ALK: variants seen among roughly 807,000 people sequenced by gnomAD.
ALK encodes ALK receptor tyrosine kinase.
In ALK, 74 loss-of-function variants were observed where a neutral mutation model predicts 163.1. The ratio of observed to expected loss-of-function variants is 0.45; its 90% CI spans 0.38 to 0.55. The LOEUF (loss-of-function observed/expected upper bound fraction) is 0.55, where lower values mean the gene tolerates loss of function less well. Ranked by LOEUF, ALK falls within the 20% of genes least tolerant of loss-of-function variation. The pLI, the probability that ALK is intolerant of heterozygous loss-of-function variation, is 0.00. For synonymous variants in ALK, 960 were observed against 843.2 expected (o/e 1.14, Z -2.40); for missense variants, 2,063 against 2,105.3 (o/e 0.98, Z 0.39).
intron 4 of ALK, among the ~76,000 whole-genome samples, chr2:29,526,249 G>A (rs1026330599): frequency 2.6e-5 from 4 of 152,166 alleles, no homozygotes; most frequent in Non-Finnish European, 5.9e-5. Flanking sequence ...ACTACCATTT[G>A]ACAAAGATGA....
chr2:29,288,966 ATAAATAAATAAAT>A lies in ALK; in HGVS notation c.1817+7909_1817+7921del, dbSNP rs1558654933. 9.3e-4 allele frequency among the ~76,000 whole-genome samples: 112 copies of A among 120,314 alleles called. 14 individuals carry two copies. The highest frequency in any genetic ancestry group is 3.4e-3 in the African/African-American group (105 of 31,102). The allele number at this position is 120,314 out of a possible 152,430, so 78.9% of individuals were successfully genotyped here. ...GACTCCTTCTCAAAAAAATAAATAA[ATAAATAAATAAAT>A]AAATAAATAAATAAATAAATAAAAG... On this transcript the variant is annotated intron_variant, in intron 9 of 28. Transcript: ENST00000389048.
At chr2:29,783,149 G>A (rs1663887251) in intron 1 of ALK, among the ~76,000 whole-genome samples, 1 of 152,124 alleles carries the variant, frequency 6.6e-6, no homozygotes, top group South Asian at 2.1e-4. Flanking sequence ...TTTTGTCTCT[G>A]GGATGTGTTT....
At chr2:29,910,118 A>T (rs1219426751) in intron 1 of ALK, among the ~76,000 whole-genome samples, 1 of 152,166 alleles carries the variant, frequency 6.6e-6, no homozygotes, top group Non-Finnish European at 1.5e-5. Context: ...ACTTTAAAAT[A>T]GCTGTTATAC....
rs1456639735 is a variant in ALK at position 29,247,041 on chromosome 2, AGGG to A, written c.2204+4061_2204+4063del. 2.0e-5 allele frequency among the ~76,000 whole-genome samples: 3 copies of A among 152,292 alleles called. No homozygotes were observed. The East Asian group carries it at 5.8e-4, about 29-fold the overall frequency. ...ACCCGCTTTTTTGTAGACAATGCTT[AGGG>A]CCTTCGAACTTAACCCAGGTGCCCC... On this transcript the variant is annotated intron_variant, in intron 12 of 28. Coordinates refer to ENST00000389048, the MANE Select transcript of ALK (RefSeq NM_004304.5).
chr2:29,371,671 C>T (rs946152658), intron 5 of ALK, among the ~76,000 whole-genome samples: 4 of 152,172 alleles, frequency 2.6e-5, no homozygotes, highest in African/African-American at 4.8e-5. Flanking sequence ...TGACTTGGTA[C>T]GTCAGTTTAG....
chr2:29,585,289 G>T (rs1475390242), intron 3 of ALK, among the ~76,000 whole-genome samples: 5 of 152,162 alleles, frequency 3.3e-5, no homozygotes, highest in African/African-American at 1.2e-4. Flanking sequence ...ACCAGAGAAA[G>T]TTATGCAGTT....
At chr2:29,219,579 C>T (rs1039116752) in intron 23 of ALK, among the ~76,000 whole-genome samples, 1 of 152,196 alleles carries the variant, frequency 6.6e-6, no homozygotes, top group Admixed American at 6.5e-5. Context: ...AGCCTGGATC[C>T]TAACCTTGGG....
At chr2:29,510,342 A>G (rs1033339874) in intron 4 of ALK, among the ~76,000 whole-genome samples, 2 of 152,206 alleles carry the variant, frequency 1.3e-5, no homozygotes. Context: ...TAGTTGAAGG[A>G]ATTAATCAAT....
At chr2:29,439,089 G>A (rs1443305925) in intron 4 of ALK, among the ~76,000 whole-genome samples, 1 of 152,164 alleles carries the variant, frequency 6.6e-6, no homozygotes, top group East Asian at 1.9e-4. Context: ...GAGGACATCT[G>A]CAAGTCCTGA....
At chr2:29,619,321 T>C (rs1429581967) in intron 3 of ALK, among the ~76,000 whole-genome samples, 1 of 152,252 alleles carries the variant, frequency 6.6e-6, no homozygotes, top group Non-Finnish European at 1.5e-5. Flanking sequence ...CTAGGCCTCC[T>C]TGGGTATCAT....
intron 1 of ALK, among the ~76,000 whole-genome samples, chr2:29,811,573 C>T (rs1664761125): frequency 6.6e-6 from 1 of 152,180 alleles, no homozygotes; most frequent in African/African-American, 2.4e-5. Flanking sequence ...GGAACTAACT[C>T]ATTGCTTCAC....
In ALK at chr2:29,223,444, G is replaced by A. The variant is rs138589984; in HGVS notation, c.3257C>T (p.Ser1086Leu). The A allele has an allele frequency of 3.2e-5, 52 of 1,614,182 alleles. No homozygotes were observed. The African/African-American group carries it at 4.7e-4, about 14-fold the overall frequency. ...PEYKLSKLRT[S>L]TIMTDYNPNY... ...GGGGTTGTAGTCGGTCATGATGGTC[G>A]AGGTGCGGAGCTTGCTCAGCTTGTA... Residue 1086 changes from serine (S) to leucine (L), a missense_variant, in exon 20 of 29, where the codon TCG becomes TTG. Around this residue, in one of 5 missense-constraint regions of ALK, gnomAD observed 575 missense variants for 626.6 expected, o/e 0.92. Transcript: ENST00000389048.
intron 1 of ALK, among the ~76,000 whole-genome samples, chr2:29,845,769 C>G (rs1335714469): frequency 6.6e-6 from 1 of 152,128 alleles, no homozygotes; most frequent in Non-Finnish European, 1.5e-5. Context: ...ATCTAGTTTA[C>G]CATTTCCCCA....
chr2:29,913,092 C>T (rs978011807), intron 1 of ALK, among the ~76,000 whole-genome samples: 2 of 152,018 alleles, frequency 1.3e-5, no homozygotes, highest in African/African-American at 2.4e-5. Context: ...TGACTGCCTA[C>T]CACTGCATGC....
intron 4 of ALK, among the ~76,000 whole-genome samples, chr2:29,448,598 T>C (rs1013475740): frequency 1.3e-5 from 2 of 152,200 alleles, no homozygotes; most frequent in African/African-American, 4.8e-5. Flanking sequence ...CAGTGAATCA[T>C]GCAACATACG....
At chr2:29,358,231 C>A (rs1014401541) in intron 5 of ALK, among the ~76,000 whole-genome samples, 2 of 152,158 alleles carry the variant, frequency 1.3e-5, no homozygotes, top group Admixed American at 1.3e-4. Flanking sequence ...GACAGGCCTT[C>A]CACTCTTTGG....
intron 3 of ALK, among the ~76,000 whole-genome samples, chr2:29,574,617 G>A (rs950193262): frequency 2.0e-5 from 3 of 152,262 alleles, no homozygotes; most frequent in South Asian, 2.1e-4. Context: ...CCTTGTTAAT[G>A]AAGATTTGGT....
intron 1 of ALK, among the ~76,000 whole-genome samples, chr2:29,846,002 T>C (rs112182371): frequency 5.2e-4 from 79 of 152,364 alleles, no homozygotes; most frequent in African/African-American, 1.8e-3. Flanking sequence ...AGTGGTCTGG[T>C]CTATATCATA....
At chr2:29,880,240 C>T (rs900523764) in intron 1 of ALK, among the ~76,000 whole-genome samples, 1 of 152,192 alleles carries the variant, frequency 6.6e-6, no homozygotes, top group South Asian at 2.1e-4. Context: ...ACCTTTGTTG[C>T]CTATCAGCTT....
Sources: gnomAD v4.1 joint callset for allele counts (sites outside exome capture counted in the v4.1 genomes callset) on GRCh38, gnomAD v4.1.1 for gene constraint, gnomAD v4.1.1 regional missense constraint, MANE v1.5 for transcripts, NCBI Gene and HGNC (gene_info 2026-07-23, HGNC 2026-07-21) for gene names.